Variants in PEX13 observed in about 807,000 individuals in gnomAD.
PEX13 encodes peroxisome biogenesis factor 13.
PEX13 carries 28 observed loss-of-function variants against 34.5 expected under a neutral mutation model. The observed-to-expected ratio is 0.81, with a 90% CI of 0.60 to 1.11. PEX13 has a LOEUF of 1.11. PEX13 is among the 50% of genes most tolerant of loss of function. The pLI, the probability that PEX13 is intolerant of heterozygous loss-of-function variation, is 0.00. For missense variants in PEX13, 550 were observed against 491.0 expected (o/e 1.12, Z -1.13); for synonymous variants, 177 against 175.1 (o/e 1.01, Z -0.09).
At chr2:61,030,665 CAG>C (rs1559034558) in intron 1 of PEX13, among the ~76,000 whole-genome samples, 2 of 152,130 alleles carry the variant, frequency 1.3e-5, no homozygotes, top group Non-Finnish European at 2.9e-5. Context: ...TGACTTTAAA[CAG>C]AAACATATAA....
intron 2 of PEX13, among the ~76,000 whole-genome samples, chr2:61,034,954 G>A (rs1258144261): frequency 6.6e-6 from 1 of 152,256 alleles, no homozygotes; most frequent in African/African-American, 2.4e-5. Context: ...TGACAGCTCT[G>A]AAGAGAGCAG....
At chr2:61,021,705 A>G (rs1293044734) in intron 1 of PEX13, among the ~76,000 whole-genome samples, 5 of 152,246 alleles carry the variant, frequency 3.3e-5, no homozygotes, top group Non-Finnish European at 7.3e-5. Context: ...GAGAACGGAC[A>G]GACGGCCTCC....
chr2:61,025,441 C>T (rs1680338459), intron 1 of PEX13, among the ~76,000 whole-genome samples: 1 of 152,006 alleles, frequency 6.6e-6, no homozygotes. Context: ...TCACTACAAC[C>T]CCTGTCACCC....
chr2:61,031,462 C>T lies in PEX13; in HGVS notation c.136C>T (p.Pro46Ser), dbSNP rs778504607. ...GPTLMTRPGQ[P>S]ALTRVPPPIL... ...TACTTTAATGACAAGACCTGGACAACCAGCACTTACCAGAGTGCCCCCACC... is the reference window on the plus strand; with the variant it reads ...TACTTTAATGACAAGACCTGGACAATCAGCACTTACCAGAGTGCCCCCACC... The change falls in exon 2 of 4, where the codon CCA (proline) becomes TCA (serine). Residue 46 changes from proline (P) to serine (S), a missense_variant. Coordinates refer to ENST00000295030, the MANE Select transcript of PEX13 (RefSeq NM_002618.4). 10 of 1,614,158 alleles carry T rather than the reference C, an allele frequency of 6.2e-6. No homozygotes were observed. The highest frequency in any genetic ancestry group is 8.5e-6 in the Non-Finnish European group (10 of 1,180,010).
chr2:61,032,932 A>G (rs1339143587), intron 2 of PEX13, among the ~76,000 whole-genome samples: 2 of 152,228 alleles, frequency 1.3e-5, no homozygotes, highest in Non-Finnish European at 2.9e-5. Context: ...TTGGATCGTA[A>G]GAAATAATGC....
intron 1 of PEX13, among the ~76,000 whole-genome samples, chr2:61,030,192 C>A (rs533537432): frequency 3.3e-5 from 5 of 152,250 alleles, no homozygotes; most frequent in African/African-American, 1.2e-4. Context: ...AGTCCATTTA[C>A]CATAGATCCT....
intron 1 of PEX13, among the ~76,000 whole-genome samples, chr2:61,028,831 C>A (rs1338789452): frequency 6.6e-6 from 1 of 151,446 alleles, no homozygotes; most frequent in East Asian, 1.9e-4. Context: ...AATTTTTGTT[C>A]AAAAAAATTT....
chr2:61,034,428 G>A (rs1680501813), intron 2 of PEX13, among the ~76,000 whole-genome samples: 1 of 152,228 alleles, frequency 6.6e-6, no homozygotes, highest in South Asian at 2.1e-4. Flanking sequence ...TCCAACTGAG[G>A]TACCTAGTTC....
chr2:61,037,333 C>T (rs2104807301), intron 2 of PEX13, among the ~76,000 whole-genome samples: 1 of 152,336 alleles, frequency 6.6e-6, no homozygotes, highest in Middle Eastern at 3.4e-3. Flanking sequence ...CTCAGCACCA[C>T]ATCACACATA....
chr2:61,026,116 A>G (rs1680350141), intron 1 of PEX13, among the ~76,000 whole-genome samples: 2 of 152,006 alleles, frequency 1.3e-5, no homozygotes, highest in South Asian at 4.2e-4. Context: ...TTTTGTCTCC[A>G]GAATTCTTCG....
In PEX13 at chr2:61,045,879, A is replaced by G. The variant is rs1441734973; in HGVS notation, c.913+28A>G. 1.9e-6 allele frequency: 3 copies of G among 1,575,284 alleles called. No homozygotes were observed. In the African/African-American group the frequency reaches 4.0e-5, roughly 21 times the overall value. On this transcript the variant is annotated intron_variant, in intron 3 of 3. Transcript: ENST00000295030. ...AATAAATTATGAATAAGTTGGAATT[A>G]TCTGTAAATTTTGATATTCATAAAT...
chr2:61,028,492 C>G (rs542283270), intron 1 of PEX13, among the ~76,000 whole-genome samples: 1 of 151,246 alleles, frequency 6.6e-6, no homozygotes, highest in Non-Finnish European at 1.5e-5. Context: ...GGGGTTCAAG[C>G]GATTCTCCCT....
At chr2:61,021,205 C>A (rs1191905582) in intron 1 of PEX13, among the ~76,000 whole-genome samples, 1 of 152,098 alleles carries the variant, frequency 6.6e-6, no homozygotes, top group East Asian at 1.9e-4. Context: ...TGAGCCAAAT[C>A]GAGGCGGGGC....
In PEX13 at chr2:61,026,520, G is replaced by T. The variant is rs546289702; in HGVS notation, c.93-4899G>T. ...CCACCACCACGCGTGGCTAATTTTTGTATTTTTAGTAGAGACAGTATTTCA... is the reference window on the plus strand; with the variant it reads ...CCACCACCACGCGTGGCTAATTTTTTTATTTTTAGTAGAGACAGTATTTCA... On this transcript the variant is annotated intron_variant, in intron 1 of 3. Coordinates refer to ENST00000295030, the MANE Select transcript of PEX13 (RefSeq NM_002618.4). Among the ~76,000 whole-genome samples, 4 of 151,474 alleles carry T rather than the reference G, an allele frequency of 2.6e-5. No individual in the cohort carries two copies. The East Asian group carries it at 7.8e-4, about 30-fold the overall frequency.
intron 1 of PEX13, chr2:61,018,574 G>T (rs1680166092): frequency 1.7e-5 from 4 of 240,894 alleles, no homozygotes; most frequent in Non-Finnish European, 3.2e-5. Flanking sequence ...TGTGGCTTTT[G>T]TTTGGTAGTG....
intron 2 of PEX13, among the ~76,000 whole-genome samples, chr2:61,033,607 T>G (rs1680487349): frequency 6.6e-6 from 1 of 152,050 alleles, no homozygotes. Flanking sequence ...AAGGTACTGG[T>G]AAGTGCTATA....
At chr2:61,034,237 T>TCTGCCCA (rs1227305574) in intron 2 of PEX13, among the ~76,000 whole-genome samples, 1 of 152,170 alleles carries the variant, frequency 6.6e-6, no homozygotes, top group Non-Finnish European at 1.5e-5. Context: ...GCTCAGGCAG[T>TCTGCCCA]CTGCCCACCT....
At chr2:61,048,402 T>A in intron 3 of PEX13, 70 bp from the exon 4 acceptor site, 2 of 1,270,450 alleles carry the variant, frequency 1.6e-6, no homozygotes, top group Non-Finnish European at 2.3e-6. Context: ...AATGTGATAT[T>A]TTACCATTAC....
At chr2:61,026,674 G>A (rs2104799675) in intron 1 of PEX13, among the ~76,000 whole-genome samples, 1 of 151,848 alleles carries the variant, frequency 6.6e-6, no homozygotes, top group East Asian at 1.9e-4. Context: ...GATTTCTAAT[G>A]GAATTTTTAA....
Sources: gnomAD v4.1 joint callset for allele counts (sites outside exome capture counted in the v4.1 genomes callset) on GRCh38, gnomAD v4.1.1 for gene constraint, MANE v1.5 for transcripts, NCBI Gene and HGNC (gene_info 2026-07-23, HGNC 2026-07-21) for gene names.